Variants in SLC9A5 observed in about 807,000 individuals in gnomAD.
The protein encoded by SLC9A5 is sodium/hydrogen exchanger 5.
A neutral mutation model predicts 91.7 loss-of-function variants in SLC9A5; 52 were observed. The ratio of observed to expected loss-of-function variants is 0.57; its 90% CI spans 0.45 to 0.71. The LOEUF is 0.71. SLC9A5 is among the 30% of genes least tolerant of loss of function. The pLI, the probability that SLC9A5 is intolerant of heterozygous loss-of-function variation, is 0.00. For synonymous variants in SLC9A5, 419 were observed against 474.5 expected (o/e 0.88, Z 1.52); for missense variants, 871 against 1,158.9 (o/e 0.75, Z 3.61).
rs551512765 is a variant in SLC9A5, at chr16:67,264,639, G to A, written c.2013+117G>A. The A allele has an allele frequency of 3.0e-5, 30 of 986,918 alleles. No individual in the cohort carries two copies. In the South Asian group the frequency reaches 3.7e-4, roughly 12 times the overall value. The allele number at this position is 986,918 out of a possible 1,614,324, so 61.1% of individuals were successfully genotyped here. A position where few individuals can be genotyped will look rare whatever the true frequency, so the allele number is the denominator to read the frequency against. ...ACCCCAGTTGGGACAGTCCTCAGGG[G>A]CTTGATGACTACAGCAGTTTGGGTT... On this transcript the variant is annotated intron_variant, in intron 13 of 15. Transcript: ENST00000299798.
In SLC9A5 at chr16:67,270,711, G is replaced by A; in HGVS notation, c.2219-27G>A. The A allele has an allele frequency of 7.0e-7, 1 of 1,438,616 alleles. No individual in the cohort carries two copies. The allele number at this position is 1,438,616 out of a possible 1,614,324, so 89.1% of individuals were successfully genotyped here. ...TTGAGATTTCCACTGTATTGGTAATGAGTTCATGTGTACTCTCTGTCCCCA... is the reference window on the plus strand; with the variant it reads ...TTGAGATTTCCACTGTATTGGTAATAAGTTCATGTGTACTCTCTGTCCCCA... On this transcript the variant is annotated intron_variant, in intron 15 of 15. Coordinates refer to ENST00000299798, the MANE Select transcript of SLC9A5 (RefSeq NM_004594.3). The surrounding 1 kb of genome is among the most constrained non-coding windows in gnomAD (Gnocchi z 4.3).
rs949565647 is a variant in SLC9A5 at position 67,271,904 on chromosome 16, T to G, written c.*694T>G. The G allele has an allele frequency of 6.6e-6, 1 of 152,370 alleles. No individual in the cohort carries two copies. Among genetic ancestry groups the G allele is most frequent in the Non-Finnish European group, 1.5e-5 (1 of 68,180 alleles). The allele number at this position is 152,370 out of a possible 1,614,324, so 9.4% of individuals were successfully genotyped here. A position where few individuals can be genotyped will look rare whatever the true frequency, so the allele number is the denominator to read the frequency against. ...GTTCAGGCCTGTTGCTTAACTGGGG[T>G]CACCCTGGGATCTGCTGCTCTGGGT... On this transcript the variant is annotated 3_prime_UTR_variant, in exon 16 of 16. Transcript: ENST00000299798.
intron 12 of SLC9A5, chr16:67,261,485 C>T (rs2142367055): frequency 6.6e-6 from 1 of 152,368 alleles, no homozygotes; most frequent in African/African-American, 2.4e-5. Flanking sequence ...CACACTTTAT[C>T]TTAAAACAAA....
Position 67,257,332 on chromosome 16 carries a change from T to C in SLC9A5, c.1336-13T>C. The C allele has an allele frequency of 6.2e-7, 1 of 1,611,400 alleles. No individual in the cohort carries two copies. Among genetic ancestry groups the C allele is most frequent in the Non-Finnish European group, 8.5e-7 (1 of 1,177,536 alleles). On this transcript the variant is annotated splice_polypyrimidine_tract_variant and intron_variant, in intron 7 of 15. Coordinates refer to ENST00000299798, the MANE Select transcript of SLC9A5 (RefSeq NM_004594.3). This position sits in a 1 kb window ranked among gnomAD's most constrained non-coding sequence, Gnocchi z 5.1. ...TAGGAATAGGGCAGGGCTCACCTCC[T>C]GCCTGTCCATAGGGCTTGACCATCA...
chr16:67,265,281 T>A (rs2035662994), intron 14 of SLC9A5, 175 bp downstream of exon 14: 1 of 619,914 alleles, frequency 1.6e-6, no homozygotes, highest in Admixed American at 2.9e-5. Flanking sequence ...TATTAGACAA[T>A]GCGTGACAGG....
intron 1 of SLC9A5, among the ~76,000 whole-genome samples, chr16:67,250,097 CCA>C (rs997846703): frequency 6.6e-6 from 1 of 152,188 alleles, no homozygotes; most frequent in Non-Finnish European, 1.5e-5. Context: ...AGCCTGTACT[CCA>C]GTCTCACCAA....
Position 67,257,637 on chromosome 16 carries a change from C to A in SLC9A5, c.1496+36C>A. On this transcript the variant is annotated intron_variant, in intron 9 of 15. Coordinates refer to ENST00000299798, the MANE Select transcript of SLC9A5 (RefSeq NM_004594.3). The surrounding 1 kb of genome is among the most constrained non-coding windows in gnomAD (Gnocchi z 5.1). ...TGCCCCGAGGCTCCTTCAGCAGCAG[C>A]AGCCCCACCAGCCAGGGAAGCATGG... 1 of 1,599,038 alleles carries A rather than the reference C, an allele frequency of 6.3e-7. No homozygotes were observed. Among genetic ancestry groups the A allele is most frequent in the Non-Finnish European group, 8.6e-7 (1 of 1,166,482 alleles).
Position 67,258,373 on chromosome 16 carries a change from T to A in SLC9A5, c.1552T>A (p.Tyr518Asn), listed in dbSNP as rs768684916. The A allele has an allele frequency of 6.2e-7, 1 of 1,614,090 alleles. No homozygotes were observed. Among genetic ancestry groups the A allele is most frequent in the Non-Finnish European group, 8.5e-7 (1 of 1,179,946 alleles). The stretch of plus-strand genomic sequence containing the variant: ...TCAGCTGCTGATGCGACGATCAGCC[T>A]ACCGCATCCGGGACCAGATCTGGGA... The part of the protein sequence containing the change: ...LSQLLMRRSA[Y>N]RIRDQIWDVY... Residue 518 changes from tyrosine (Y) to asparagine (N), a missense_variant, in exon 10 of 16, where the codon TAC (tyrosine) becomes AAC (asparagine). By Grantham distance (143) the Tyr-to-Asn change is moderately radical. This residue lies in a region of SLC9A5 where 454 missense variants were observed against 718.3 expected (regional missense o/e 0.63). Transcript: ENST00000299798. The surrounding 1 kb of genome is among the most constrained non-coding windows in gnomAD (Gnocchi z 4.5).
In SLC9A5 at chr16:67,264,622, T is replaced by G. The variant is rs1429025105; in HGVS notation, c.2013+100T>G. 4 of 1,232,304 alleles carry G rather than the reference T, an allele frequency of 3.2e-6. No homozygotes were observed. The Admixed American group carries it at 5.4e-5, about 17-fold the overall frequency. 76.3% of individuals were successfully genotyped at this position (1,232,304 alleles called of 1,614,324 possible). A position where few individuals can be genotyped will look rare whatever the true frequency, so the allele number is the denominator to read the frequency against. On this transcript the variant is annotated intron_variant, in intron 13 of 15. Coordinates refer to ENST00000299798, the MANE Select transcript of SLC9A5 (RefSeq NM_004594.3). ...GATCCAGCTTAGGGGGAACCCCAGT[T>G]GGGACAGTCCTCAGGGGCTTGATGA...
At position 67,258,750 on chromosome 16, in the gene SLC9A5, A is replaced by G. The variant is rs1187454486; in HGVS notation, c.1626+303A>G. Among the ~76,000 whole-genome samples, 1 of 152,188 alleles carries G rather than the reference A, an allele frequency of 6.6e-6. No individual in the cohort carries two copies. Among genetic ancestry groups the G allele is most frequent in the African/African-American group, 2.4e-5 (1 of 41,440 alleles). On this transcript the variant is annotated intron_variant, in intron 10 of 15. Transcript: ENST00000299798. This position sits in a 1 kb window ranked among gnomAD's most constrained non-coding sequence, Gnocchi z 4.5. ...TGAGCCTGTTTCCTTAGCTGTAAGA[A>G]AGCAGGCATAAGAGGCTGGGCACGG...
Position 67,257,157 on chromosome 16 carries a change from C to A in SLC9A5, c.1335+44C>A. ...CTGGGTAGGGAGAGGGTTGGGCAGGCCCTGGGGGAGTCTTGGAGCCTGTGG... is the reference window on the plus strand; with the variant it reads ...CTGGGTAGGGAGAGGGTTGGGCAGGACCTGGGGGAGTCTTGGAGCCTGTGG... On this transcript the variant is annotated intron_variant, in intron 7 of 15. Transcript: ENST00000299798. This position sits in a 1 kb window ranked among gnomAD's most constrained non-coding sequence, Gnocchi z 5.1. 2 of 1,562,600 alleles carry A rather than the reference C, an allele frequency of 1.3e-6. No individual in the cohort carries two copies. The highest frequency in any genetic ancestry group is 1.1e-5 in the South Asian group (1 of 88,016).
At position 67,255,279 on chromosome 16, in the gene SLC9A5, C is replaced by T. The variant is rs2035271092; in HGVS notation, c.654+95C>T. 4 of 1,536,214 alleles carry T rather than the reference C, an allele frequency of 2.6e-6. No individual in the cohort carries two copies. The highest frequency in any genetic ancestry group is 3.6e-6 in the Non-Finnish European group (4 of 1,123,402). Reference sequence around the variant, plus strand: ...CAGACTCAGTCCCTTCCCTTGGGTCCCCTGGGGCAGAAATATGCTGTCTGC... The same window carrying T: ...CAGACTCAGTCCCTTCCCTTGGGTCTCCTGGGGCAGAAATATGCTGTCTGC... On this transcript the variant is annotated intron_variant, in intron 3 of 15. Coordinates refer to ENST00000299798, the MANE Select transcript of SLC9A5 (RefSeq NM_004594.3). This position sits in a 1 kb window ranked among gnomAD's most constrained non-coding sequence, Gnocchi z 4.9.
Position 67,260,354 on chromosome 16 carries a change from C to CAAAAAAAAAAAAAAAAAAAAA in SLC9A5, c.1842+411_1842+431dup, listed in dbSNP as rs397932908. 1.5e-3 allele frequency among the ~76,000 whole-genome samples: 49 copies of CAAAAAAAAAAAAAAAAAAAAA among 33,440 alleles called. 6 individuals are homozygous for CAAAAAAAAAAAAAAAAAAAAA. Among genetic ancestry groups the CAAAAAAAAAAAAAAAAAAAAA allele is most frequent in the African/African-American group, 6.2e-3 (32 of 5,166 alleles). The allele number at this position is 33,440 out of a possible 152,430, so 21.9% of individuals were successfully genotyped here. On this transcript the variant is annotated intron_variant, in intron 12 of 15. Transcript: ENST00000299798. The stretch of plus-strand genomic sequence containing the variant: ...TGGGTAACAGAGCAAGACTCCATCT[C>CAAAAAAAAAAAAAAAAAAAAA]AAAAAAAAAAAAAAAAAAAAAAAGA...
chr16:67,256,313 C>T lies in SLC9A5; in HGVS notation c.912-156C>T, dbSNP rs746915769. 6.6e-6 allele frequency among the ~76,000 whole-genome samples: 1 copy of T among 152,190 alleles called. No homozygotes were observed. Among genetic ancestry groups the T allele is most frequent in the Non-Finnish European group, 1.5e-5 (1 of 68,030 alleles). On this transcript the variant is annotated intron_variant, in intron 5 of 15. Coordinates refer to ENST00000299798, the MANE Select transcript of SLC9A5 (RefSeq NM_004594.3). This position sits in a 1 kb window ranked among gnomAD's most constrained non-coding sequence, Gnocchi z 4.1. The stretch of plus-strand genomic sequence containing the variant: ...CTGGAGATCTGGACTCTTAGCCCAG[C>T]ACTACCATTCAAGTCTTCAGGCCTC...
At position 67,256,478 on chromosome 16, in the gene SLC9A5, G is replaced by A. The variant is rs1597350245; in HGVS notation, c.921G>A (p.Met307Ile). The change falls in exon 6 of 16, where the codon ATG (methionine) becomes ATA (isoleucine). Residue 307 changes from methionine to isoleucine, a missense_variant. Physicochemically the swap from Met to Ile is conservative, Grantham distance 10 (BLOSUM62 1). This residue lies in a region of SLC9A5 where 454 missense variants were observed against 718.3 expected (regional missense o/e 0.63). Coordinates refer to ENST00000299798, the MANE Select transcript of SLC9A5 (RefSeq NM_004594.3). The surrounding 1 kb of genome is among the most constrained non-coding windows in gnomAD (Gnocchi z 4.1). Reference sequence around the variant, plus strand: ...CTCCATCCTCTCCCAGGGTGACCATGTGTGGCCTGGGCTGTAAGAAGTACG... The same window carrying A: ...CTCCATCCTCTCCCAGGGTGACCATATGTGGCCTGGGCTGTAAGAAGTACG... ...ASLSAILAVT[M>I]CGLGCKKYVE... 6.2e-7 allele frequency: 1 copy of A among 1,609,348 alleles called. No homozygotes were observed. The highest frequency in any genetic ancestry group is 8.5e-7 in the Non-Finnish European group (1 of 1,179,414).
chr16:67,259,908 C>T lies in SLC9A5; in HGVS notation c.1804C>T (p.His602Tyr), dbSNP rs2035467249. 1 of 1,613,944 alleles carries T rather than the reference C, an allele frequency of 6.2e-7. No individual in the cohort carries two copies. Among genetic ancestry groups the T allele is most frequent in the Admixed American group, 1.7e-5 (1 of 60,000 alleles). The change falls in exon 12 of 16, where the codon CAT becomes TAT. Residue 602 changes from histidine to tyrosine, a missense_variant. By Grantham distance (83) the His-to-Tyr change is moderately conservative (BLOSUM62 2). Around this residue, in one of 3 missense-constraint regions of SLC9A5, gnomAD observed 454 missense variants for 718.3 expected, o/e 0.63. Coordinates refer to ENST00000299798, the MANE Select transcript of SLC9A5 (RefSeq NM_004594.3). Reference protein sequence around the residue: ...GRDREDAVMHHLLCGGLYKPR... With the variant: ...GRDREDAVMHYLLCGGLYKPR... ...GGATCGTGAGGATGCTGTGATGCATCATCTGCTCTGCGGAGGCCTCTACAA... is the reference window on the plus strand; with the variant it reads ...GGATCGTGAGGATGCTGTGATGCATTATCTGCTCTGCGGAGGCCTCTACAA...
At chr16:67,265,936 T>TA (rs762306896) in intron 14 of SLC9A5, 152 bp from the exon 15 acceptor site, 42 of 982,540 alleles carry the variant, frequency 4.3e-5, no homozygotes, top group Non-Finnish European at 6.0e-5. Context: ...CCCCACCTCT[T>TA]AGGCCAGTGC....
rs773046440 is a variant in SLC9A5, at chr16:67,256,862, G to A, written c.1133-49G>A. On this transcript the variant is annotated intron_variant, in intron 6 of 15. Coordinates refer to ENST00000299798, the MANE Select transcript of SLC9A5 (RefSeq NM_004594.3). This position sits in a 1 kb window ranked among gnomAD's most constrained non-coding sequence, Gnocchi z 4.1. Reference sequence around the variant, plus strand: ...GATACTTGGTCCCATCCGGTCCCACGTCCTCCACTCCCAACGCTTTGCTCC... The same window carrying A: ...GATACTTGGTCCCATCCGGTCCCACATCCTCCACTCCCAACGCTTTGCTCC... The A allele has an allele frequency of 2.0e-5, 32 of 1,581,874 alleles. No individual in the cohort carries two copies. The highest frequency in any genetic ancestry group is 2.1e-4 in the Middle Eastern group (1 of 4,736).
At position 67,252,975 on chromosome 16, in the gene SLC9A5, A is replaced by G. The variant is rs1335046692; in HGVS notation, c.490+131A>G. ...CCTAGGTCCCTCCCTCTGGAGTGCA[A>G]GGCAGTGCTCCCGCTGGGGTTCAGG... On this transcript the variant is annotated intron_variant, in intron 2 of 15. Transcript: ENST00000299798. The surrounding 1 kb of genome is among the most constrained non-coding windows in gnomAD (Gnocchi z 4.0). The G allele has an allele frequency of 2.5e-6, 2 of 814,018 alleles. No homozygotes were observed. Among genetic ancestry groups the G allele is most frequent in the African/African-American group, 1.7e-5 (1 of 57,726 alleles). 50.4% of individuals were successfully genotyped at this position (814,018 alleles called of 1,614,324 possible).
Sources: allele counts gnomAD v4.1 joint callset (sites outside exome capture counted in the v4.1 genomes callset), GRCh38; gene constraint gnomAD v4.1.1; regional missense constraint gnomAD v4.1.1; non-coding constraint Gnocchi (gnomAD v3.1); transcripts MANE v1.5; gene names NCBI Gene and HGNC (gene_info 2026-07-23, HGNC 2026-07-21).